SNIP1: variants seen among roughly 807,000 people sequenced by gnomAD.
SNIP1 encodes smad nuclear-interacting protein 1.
In SNIP1, 23 loss-of-function variants were observed where a neutral mutation model predicts 37.4. The observed-to-expected ratio is 0.61, with a 90% CI of 0.44 to 0.87. The LOEUF is 0.87. SNIP1 is among the 40% of genes least tolerant of loss of function. The pLI, the probability that SNIP1 is intolerant of heterozygous loss-of-function variation, is 0.00. For synonymous variants in SNIP1, 174 were observed against 200.0 expected, an observed-to-expected ratio of 0.87 and a Z score of 1.10; for missense variants, 459 against 540.4, an observed-to-expected ratio of 0.85 and a Z score of 1.49.
At chr1:37,543,349 T>C (rs1643194539) in intron 2 of SNIP1, among the ~76,000 whole-genome samples, 1 of 152,040 alleles carries the variant, frequency 6.6e-6, no homozygotes, top group Non-Finnish European at 1.5e-5. Context: ...ACAGAAATAC[T>C]AGCAGAAACG....
At chr1:37,553,952 G>A (rs912001333) in intron 1 of SNIP1, 54 bp downstream of exon 1, 96 of 1,528,578 alleles carry the variant, frequency 6.3e-5, no homozygotes, top group Non-Finnish European at 7.9e-5. Context: ...AGCCCTGCCC[G>A]CCTTTCTGAA....
Position 37,552,653 on chromosome 1 carries a change from C to CT in SNIP1, c.318dup (p.Val107SerfsTer6), listed in dbSNP as rs774427723. 6.2e-7 allele frequency: 1 copy of CT among 1,614,056 alleles called. No individual in the cohort carries two copies. The highest frequency in any genetic ancestry group is 8.5e-7 in the Non-Finnish European group (1 of 1,179,876). On this transcript the variant is annotated frameshift_variant, in exon 2 of 4. Coordinates refer to ENST00000296215, the MANE Select transcript of SNIP1 (RefSeq NM_024700.4). LOFTEE classifies it high-confidence loss of function. The stretch of plus-strand genomic sequence containing the variant: ...CACCCCAATCCACTTACCTGCTTCA[C>CT]TTTGACTGTTGAGTGGTGAGGACTT...
At chr1:37,550,386 A>C (rs1018107092) in intron 2 of SNIP1, among the ~76,000 whole-genome samples, 1 of 152,204 alleles carries the variant, frequency 6.6e-6, no homozygotes, top group Non-Finnish European at 1.5e-5. Flanking sequence ...TAAACAGTAA[A>C]AAAGCAAATA....
chr1:37,550,505 A>C (rs779798653), intron 2 of SNIP1, among the ~76,000 whole-genome samples: 19 of 150,808 alleles, frequency 1.3e-4, no homozygotes, highest in Non-Finnish European at 2.7e-4. Flanking sequence ...TCAGGAGTTC[A>C]GGACCAGCCT....
rs201207779 is a variant in SNIP1 at position 37,553,993 on chromosome 1, C to G, written c.224+13G>C. On this transcript the variant is annotated intron_variant, in intron 1 of 3. Coordinates refer to ENST00000296215, the MANE Select transcript of SNIP1 (RefSeq NM_024700.4). ...CCAACCCAATGTCCATCCTGGACTG[C>G]TCCCCCACTTACCGGCTAACTCCTC... The G allele has an allele frequency of 9.0e-6, 14 of 1,553,862 alleles. 1 individual carries two copies. Among genetic ancestry groups the G allele is most frequent in the Non-Finnish European group, 9.6e-6 (11 of 1,149,206 alleles).
chr1:37,552,761 G>A lies in SNIP1; in HGVS notation c.225-14C>T, dbSNP rs750362946. The stretch of plus-strand genomic sequence containing the variant: ...TTGGGTGGGGACCTATTCAGAGCAT[G>A]GTACACAGGATTTTATCGCAATTTC... On this transcript the variant is annotated splice_polypyrimidine_tract_variant and intron_variant, in intron 1 of 3. Coordinates refer to ENST00000296215, the MANE Select transcript of SNIP1 (RefSeq NM_024700.4). 6.2e-7 allele frequency: 1 copy of A among 1,604,650 alleles called. No homozygotes were observed. Among genetic ancestry groups the A allele is most frequent in the South Asian group, 1.1e-5 (1 of 90,896 alleles).
Position 37,540,787 on chromosome 1 carries a change from G to T in SNIP1, c.328-32C>A. On this transcript the variant is annotated intron_variant, in intron 2 of 3. Coordinates refer to ENST00000296215, the MANE Select transcript of SNIP1 (RefSeq NM_024700.4). This position sits in a 1 kb window ranked among gnomAD's most constrained non-coding sequence, Gnocchi z 5.6. The stretch of plus-strand genomic sequence containing the variant: ...TTCAAACAGATTCTGTAATTTAAAC[G>T]CAGTGCACAATCTAAAGGCAGCCCA... 6.5e-7 allele frequency: 1 copy of T among 1,544,056 alleles called. No individual in the cohort carries two copies. The highest frequency in any genetic ancestry group is 8.7e-7 in the Non-Finnish European group (1 of 1,144,958).
rs1278517338 is a variant in SNIP1, at chr1:37,554,231, C to G, written c.-2G>C. The G allele has an allele frequency of 6.3e-7, 1 of 1,592,778 alleles. No individual in the cohort carries two copies. Among genetic ancestry groups the G allele is most frequent in the Non-Finnish European group, 8.6e-7 (1 of 1,167,456 alleles). ...CCGTTCGCTCTTCACCGCCTTCATT[C>G]TGTGATTTTGGCTGGGCGAAAGAAA... On this transcript the variant is annotated 5_prime_UTR_variant, in exon 1 of 4. Coordinates refer to ENST00000296215, the MANE Select transcript of SNIP1 (RefSeq NM_024700.4).
At chr1:37,541,521 G>A (rs768600744) in intron 2 of SNIP1, 1 of 152,192 alleles carries the variant, frequency 6.6e-6, no homozygotes, top group Non-Finnish European at 1.5e-5. Flanking sequence ...AATTAGCCAG[G>A]TGTGGTGGCA....
chr1:37,546,544 C>G (rs192538466), intron 2 of SNIP1, among the ~76,000 whole-genome samples: 6 of 151,972 alleles, frequency 3.9e-5, no homozygotes, highest in Non-Finnish European at 8.8e-5. Flanking sequence ...TGTGGTGGCA[C>G]GTGCCTACAG....
intron 2 of SNIP1, chr1:37,545,395 T>C: frequency 2.2e-6 from 1 of 456,468 alleles, no homozygotes. Flanking sequence ...TTTCTATAAG[T>C]TGTACCAAAA....
chr1:37,540,728 G>C lies in SNIP1; in HGVS notation c.355C>G (p.Arg119Gly). ...QEREDHPRRGREDRQHREPSE... is the reference protein window; with the variant it reads ...QEREDHPRRGGEDRQHREPSE... ...GGTTCCCTGTGCTGCCGATCCTCCCGTCCTCTCCGGGGATGATCCTCACGC... is the reference window on the plus strand; with the variant it reads ...GGTTCCCTGTGCTGCCGATCCTCCCCTCCTCTCCGGGGATGATCCTCACGC... Residue 119 changes from arginine (R) to glycine (G), a missense_variant, in exon 3 of 4, where the codon CGG becomes GGG. By Grantham distance (125) the Arg-to-Gly change is moderately radical. Transcript: ENST00000296215. The surrounding 1 kb of genome is among the most constrained non-coding windows in gnomAD (Gnocchi z 5.6). The C allele has an allele frequency of 8.1e-6, 13 of 1,609,958 alleles. No homozygotes were observed. The highest frequency in any genetic ancestry group is 1.1e-5 in the Non-Finnish European group (13 of 1,178,020).
At chr1:37,546,156 C>G (rs890737465) in intron 2 of SNIP1, among the ~76,000 whole-genome samples, 10 of 150,546 alleles carry the variant, frequency 6.6e-5, no homozygotes, top group African/African-American at 7.4e-5. Context: ...CCCCCCCCCC[C>G]CCCGCTCCCT....
Position 37,540,865 on chromosome 1 carries a change from T to C in SNIP1, c.328-110A>G, listed in dbSNP as rs1021475957. 4 of 1,073,446 alleles carry C rather than the reference T, an allele frequency of 3.7e-6. No individual in the cohort carries two copies. Among genetic ancestry groups the C allele is most frequent in the East Asian group, 2.4e-5 (1 of 41,500 alleles). 66.5% of individuals were successfully genotyped at this position (1,073,446 alleles called of 1,614,324 possible). ...TGCAAAAAGTCTTGTAATTTGGACT[T>C]TGGCATTTAGAACAACATTTCCCAC... On this transcript the variant is annotated intron_variant, in intron 2 of 3. Coordinates refer to ENST00000296215, the MANE Select transcript of SNIP1 (RefSeq NM_024700.4). This position sits in a 1 kb window ranked among gnomAD's most constrained non-coding sequence, Gnocchi z 5.6.
At chr1:37,552,147 T>C (rs1315788200) in intron 2 of SNIP1, among the ~76,000 whole-genome samples, 1 of 152,176 alleles carries the variant, frequency 6.6e-6, no homozygotes, top group East Asian at 1.9e-4. Context: ...TATGATTCCA[T>C]TTACATAACA....
chr1:37,547,657 C>A lies in SNIP1; in HGVS notation c.327+4988G>T, dbSNP rs145393046. On this transcript the variant is annotated intron_variant, in intron 2 of 3. Coordinates refer to ENST00000296215, the MANE Select transcript of SNIP1 (RefSeq NM_024700.4). ...GTTGAGGCACGAGAATCGCTTGAAC[C>A]CAGGAGGCAAAGATTGCAGTGAGCC... Among the ~76,000 whole-genome samples, 651 of 151,910 alleles carry A rather than the reference C, an allele frequency of 4.3e-3. 5 individuals carry two copies. The highest frequency in any genetic ancestry group is 0.015 in the African/African-American group (611 of 41,416).
chr1:37,550,822 G>A (rs1003739445), intron 2 of SNIP1, among the ~76,000 whole-genome samples: 4 of 152,146 alleles, frequency 2.6e-5, no homozygotes, highest in African/African-American at 7.2e-5. Context: ...AAGGCCAGGT[G>A]CAGTGGCTCA....
intron 2 of SNIP1, among the ~76,000 whole-genome samples, chr1:37,547,044 A>C (rs1223545531): frequency 6.6e-6 from 1 of 152,194 alleles, no homozygotes; most frequent in East Asian, 1.9e-4. Context: ...TTGTTCTTCT[A>C]TCTACAGTCA....
At chr1:37,545,753 T>C (rs1053259544) in intron 2 of SNIP1, among the ~76,000 whole-genome samples, 5 of 151,714 alleles carry the variant, frequency 3.3e-5, no homozygotes, top group African/African-American at 1.2e-4. Flanking sequence ...CGTCCAGGAG[T>C]TCGAGACCAG....
Sources: gnomAD v4.1 joint callset for allele counts (sites outside exome capture counted in the v4.1 genomes callset) on GRCh38, gnomAD v4.1.1 for gene constraint, Gnocchi (gnomAD v3.1) non-coding constraint, MANE v1.5 for transcripts, NCBI Gene and HGNC (gene_info 2026-07-23, HGNC 2026-07-21) for gene names.